Variants in OVOL1 observed in about 807,000 individuals in gnomAD.
OVOL1 encodes the protein ovo like transcriptional repressor 1, also known as putative transcription factor Ovo-like 1.
A neutral mutation model predicts 21.5 loss-of-function variants in OVOL1; 10 were observed. The ratio of observed to expected loss-of-function variants is 0.46; its 90% CI spans 0.29 to 0.79. The LOEUF is 0.79. OVOL1 is among the 30% of genes least tolerant of loss of function. The pLI, the probability that OVOL1 is intolerant of heterozygous loss-of-function variation, is 0.10. For synonymous variants in OVOL1, 129 were observed against 150.3 expected (o/e 0.86, Z 1.03); for missense variants, 279 against 362.3 (o/e 0.77, Z 1.87).
At chr11:65,788,521 G>T (rs1287545162) in intron 1 of OVOL1, 2 of 985,130 alleles carry the variant, frequency 2.0e-6, no homozygotes, top group Non-Finnish European at 2.4e-6. Context: ...CCCTTGATCT[G>T]CAGACTCCCT....
Position 65,787,183 on chromosome 11 carries a change from G to T in OVOL1, c.-191G>T, listed in dbSNP as rs1244952754. 4.2e-6 allele frequency: 2 copies of T among 476,522 alleles called. No individual in the cohort carries two copies. 29.5% of individuals were successfully genotyped at this position (476,522 alleles called of 1,614,324 possible). A position where few individuals can be genotyped will look rare whatever the true frequency, so the allele number is the denominator to read the frequency against. ...AAGGGACCTCGTTCTCAGGGAAGACGGCGACATTCCGCGGAGGTGGAACCG... is the reference window on the plus strand; with the variant it reads ...AAGGGACCTCGTTCTCAGGGAAGACTGCGACATTCCGCGGAGGTGGAACCG... On this transcript the variant is annotated 5_prime_UTR_variant, in exon 1 of 4. Coordinates refer to ENST00000335987, the MANE Select transcript of OVOL1 (RefSeq NM_004561.4).
intron 1 of OVOL1, chr11:65,790,104 C>G (rs1468492208): frequency 7.7e-6 from 1 of 129,624 alleles, no homozygotes; most frequent in Non-Finnish European, 1.6e-5. Flanking sequence ...CTTGGAGTGA[C>G]AGGGAGTAAT....
At position 65,793,866 on chromosome 11, in the gene OVOL1, G is replaced by A. The variant is rs138836420; in HGVS notation, c.101-165G>A. On this transcript the variant is annotated intron_variant, in intron 1 of 3. Transcript: ENST00000335987. ...TGCAATTACCTTAATAGGGCGGGAA[G>A]GCGGTGCAGCAGTGGTGGTCGGGGC... 231 of 610,020 alleles carry A rather than the reference G, an allele frequency of 3.8e-4. 2 individuals are homozygous for A. The East Asian group carries it at 5.5e-3, about 15-fold the overall frequency. 37.8% of individuals were successfully genotyped at this position (610,020 alleles called of 1,614,324 possible).
chr11:65,794,116 C>T lies in OVOL1; in HGVS notation c.186C>T (p.Asn62=). The change falls in exon 2 of 4, where the codon AAC becomes AAT. Residue 62 remains asparagine, a synonymous_variant. Transcript: ENST00000335987. ...AEPPSCPLAL[N]MSLRDSSYSM... is the part of the protein sequence containing the mutation. ...CCCCTTCCTGCCCGCTGGCTTTGAA[C>T]ATGAGCCTTCGAGACTCTAGCTACA... is the stretch of plus-strand genomic sequence containing the variant. 6.2e-7 allele frequency: 1 copy of T among 1,613,970 alleles called. No individual in the cohort carries two copies. The highest frequency in any genetic ancestry group is 8.5e-7 in the Non-Finnish European group (1 of 1,180,028).
intron 1 of OVOL1, 22 bp downstream of exon 1, chr11:65,787,495 G>A (rs375215148): frequency 2.1e-6 from 3 of 1,433,630 alleles, no homozygotes; most frequent in Non-Finnish European, 2.8e-6. Context: ...ACCGCCCTCC[G>A]GCCTGGGGCA....
At chr11:65,788,824 C>T (rs902038855) in intron 1 of OVOL1, 2 of 985,366 alleles carry the variant, frequency 2.0e-6, no homozygotes, top group African/African-American at 3.5e-5. Flanking sequence ...AAGTGAGTGG[C>T]CTCCCCACCT....
In OVOL1 at chr11:65,794,278, C is replaced by G. The variant is rs575321668; in HGVS notation, c.318+30C>G. 2.5e-6 allele frequency: 4 copies of G among 1,574,366 alleles called. No homozygotes were observed. In the African/African-American group the frequency reaches 5.4e-5, roughly 21 times the overall value. On this transcript the variant is annotated intron_variant, in intron 2 of 3. Transcript: ENST00000335987. ...TGCCACTCGCGCTGTCTCCGAGGGC[C>G]GGGGGCGTGCATGTAGACCTGCGTC...
At chr11:65,790,505 G>C (rs1007523002) in intron 1 of OVOL1, 3 of 152,314 alleles carry the variant, frequency 2.0e-5, no homozygotes, top group African/African-American at 7.2e-5. Context: ...TGGGCACTTG[G>C]GCAGATCTCT....
chr11:65,793,792 G>A (rs1338272392), intron 1 of OVOL1: 4 of 579,908 alleles, frequency 6.9e-6, no homozygotes, highest in East Asian at 2.9e-5. Context: ...TCCCAGTTCC[G>A]CTAAGACACA....
chr11:65,793,777 G>C (rs141113324), intron 1 of OVOL1: 4 of 562,060 alleles, frequency 7.1e-6, no homozygotes, highest in East Asian at 3.0e-5. Flanking sequence ...AGGGCAGTTC[G>C]GTCCTCCCAG....
At chr11:65,788,287 G>A (rs981243620) in intron 1 of OVOL1, among the ~76,000 whole-genome samples, 1 of 152,238 alleles carries the variant, frequency 6.6e-6, no homozygotes, top group Non-Finnish European at 1.5e-5. Context: ...CGTCGACTGT[G>A]AGAGTTGCTT....
At position 65,796,010 on chromosome 11, in the gene OVOL1, C is replaced by G. The variant is rs79345966; in HGVS notation, c.*669C>G. 2.5e-3 allele frequency: 382 copies of G among 151,920 alleles called. No homozygotes were observed. Among genetic ancestry groups the G allele is most frequent in the Non-Finnish European group, 4.9e-3 (336 of 68,114 alleles). 9.4% of individuals were successfully genotyped at this position (151,920 alleles called of 1,614,324 possible). A position where few individuals can be genotyped will look rare whatever the true frequency, so the allele number is the denominator to read the frequency against. ...TTCTAAGAAATAAACTACAAGGTGC[C>G]AAGAAGGTTTTATTTCCTTTTATTT... On this transcript the variant is annotated 3_prime_UTR_variant, in exon 4 of 4. Transcript: ENST00000335987.
intron 3 of OVOL1, 64 bp downstream of exon 3, chr11:65,794,791 A>G (rs1858096614): frequency 1.3e-6 from 2 of 1,511,532 alleles, no homozygotes; most frequent in African/African-American, 1.4e-5. Flanking sequence ...CGTGCGGGAA[A>G]AGTCCAGCAC....
chr11:65,793,939 G>T, intron 1 of OVOL1, 92 bp from the exon 2 acceptor site: 4 of 989,732 alleles, frequency 4.0e-6, no homozygotes, highest in Non-Finnish European at 6.2e-6. Flanking sequence ...GAGTCTCCAG[G>T]TTCCAGCCGT....
chr11:65,788,372 A>C (rs1342203903), intron 1 of OVOL1: 14 of 776,672 alleles, frequency 1.8e-5, no homozygotes, highest in Non-Finnish European at 2.2e-5. Flanking sequence ...ACCCCCAACA[A>C]AGTCTTTGGT....
At chr11:65,791,931 C>T (rs866245590) in intron 1 of OVOL1, among the ~76,000 whole-genome samples, 1 of 152,250 alleles carries the variant, frequency 6.6e-6, no homozygotes, top group Admixed American at 6.5e-5. Context: ...GTGTGCACTC[C>T]CTGTGCGTGT....
At position 65,796,250 on chromosome 11, in the gene OVOL1, C is replaced by T. The variant is rs1858130942; in HGVS notation, c.*909C>T. 6.6e-6 allele frequency: 1 copy of T among 152,634 alleles called. No individual in the cohort carries two copies. The highest frequency in any genetic ancestry group is 2.4e-5 in the African/African-American group (1 of 41,454). 9.5% of individuals were successfully genotyped at this position (152,634 alleles called of 1,614,324 possible). A position where few individuals can be genotyped will look rare whatever the true frequency, so the allele number is the denominator to read the frequency against. On this transcript the variant is annotated 3_prime_UTR_variant, in exon 4 of 4. Transcript: ENST00000335987. ...AGACAGCCACTAGAAGATCTTCCTC[C>T]AGCGGCGCCCTGGACGGCTGCTCCT... is the stretch of plus-strand genomic sequence containing the variant.
At chr11:65,788,378 T>C in intron 1 of OVOL1, 1 of 859,616 alleles carries the variant, frequency 1.2e-6, no homozygotes, top group Non-Finnish European at 1.4e-6. Context: ...AACAAAGTCT[T>C]TGGTCTGGAG....
intron 1 of OVOL1, 144 bp from the exon 2 acceptor site, chr11:65,793,887 G>T: frequency 1.6e-6 from 1 of 640,954 alleles, no homozygotes; most frequent in Non-Finnish European, 2.7e-6. Flanking sequence ...AGTGGTGGTC[G>T]GGGCAGCCCC....
Sources: gnomAD v4.1 joint callset for allele counts (sites outside exome capture counted in the v4.1 genomes callset) on GRCh38, gnomAD v4.1.1 for gene constraint, MANE v1.5 for transcripts, NCBI Gene and HGNC (gene_info 2026-07-23, HGNC 2026-07-21) for gene names.